The following CDK12 variants were observed in gnomAD, a reference collection of about 807,000 sequenced individuals.
CDK12 encodes the protein cyclin-dependent kinase 12.
A neutral mutation model predicts 133.8 loss-of-function variants in CDK12; 17 were observed. That is an observed-to-expected ratio of 0.13 (90% CI 0.09 to 0.19). The LOEUF (loss-of-function observed/expected upper bound fraction) is 0.19. CDK12 is among the 10% of genes least tolerant of loss of function. The pLI is 1.00. For synonymous variants in CDK12, 694 were observed against 683.6 expected (o/e 1.02, Z -0.24); for missense variants, 1,508 against 1,818.7 (o/e 0.83, Z 3.11).
At chr17:39,519,902 TTTGAGAACTGTAGGGTCA>T (rs2146571349) in intron 10 of CDK12, 36 bp from the exon 11 acceptor site, 1 of 1,605,452 alleles carries the variant, frequency 6.2e-7, no homozygotes, top group South Asian at 1.1e-5. Flanking sequence ...AAATTACAAA[TTTGAGAACTGTAGGGTCA>T]TTGTGAACTT....
At chr17:39,511,826 C>CT (rs968676195) in intron 8 of CDK12, among the ~76,000 whole-genome samples, 196 bp downstream of exon 8, 7 of 150,980 alleles carry the variant, frequency 4.6e-5, no homozygotes, top group East Asian at 1.9e-4. Context: ...CAGATTTCTT[C>CT]TTTTTTTTTG....
chr17:39,490,271 G>A (rs1164225758), intron 2 of CDK12, among the ~76,000 whole-genome samples: 1 of 151,774 alleles, frequency 6.6e-6, no homozygotes, highest in Non-Finnish European at 1.5e-5. Flanking sequence ...GGAAGCTGAG[G>A]TAGGAGAATC....
intron 2 of CDK12, among the ~76,000 whole-genome samples, chr17:39,487,086 G>T (rs1171289175): frequency 6.6e-6 from 1 of 152,166 alleles, no homozygotes; most frequent in Non-Finnish European, 1.5e-5. Flanking sequence ...GGAAAAATCT[G>T]AGTGCAGATT....
intron 6 of CDK12, among the ~76,000 whole-genome samples, chr17:39,505,467 G>A (rs1163174162): frequency 6.9e-6 from 1 of 145,570 alleles, no homozygotes; most frequent in Non-Finnish European, 1.5e-5. Flanking sequence ...GGAGGTTGCA[G>A]TGAGCTGAGA....
In CDK12 at chr17:39,530,963, A is replaced by G; in HGVS notation, c.4120A>G (p.Arg1374Gly). The G allele has an allele frequency of 6.2e-7, 1 of 1,614,232 alleles. No individual in the cohort carries two copies. Among genetic ancestry groups the G allele is most frequent in the Non-Finnish European group, 8.5e-7 (1 of 1,180,028 alleles). Residue 1374 changes from arginine (R) to glycine (G), a missense_variant, in exon 14 of 14, where the codon AGG becomes GGG. Arg to Gly is a moderately radical substitution (Grantham distance 125). Around this residue, in one of 9 missense-constraint regions of CDK12, gnomAD observed 399 missense variants for 469.6 expected, o/e 0.85. Transcript: ENST00000447079. Reference sequence around the variant, plus strand: ...CTTGGTCCAGACCCTGGTGAAGAACAGGACCTTCTCAGGCTCTCTGAGCCA... The same window carrying G: ...CTTGGTCCAGACCCTGGTGAAGAACGGGACCTTCTCAGGCTCTCTGAGCCA... ...ESLVQTLVKN[R>G]TFSGSLSHLG...
chr17:39,558,324 G>T (rs569495521), intron 3 of CDK12, among the ~76,000 whole-genome samples: 89 of 152,278 alleles, frequency 5.8e-4, no homozygotes, highest in Admixed American at 1.4e-3. Flanking sequence ...CAGGATGGAG[G>T]GGGGAGAGAT....
chr17:39,482,841 A>G (rs759792394), intron 2 of CDK12, among the ~76,000 whole-genome samples: 7 of 151,298 alleles, frequency 4.6e-5, no homozygotes, highest in Non-Finnish European at 8.8e-5. Flanking sequence ...GCCTCAAACA[A>G]TCCACCTGCC....
At chr17:39,511,413 T>G in intron 7 of CDK12, 116 bp from the exon 8 acceptor site, 1 of 632,614 alleles carries the variant, frequency 1.6e-6, no homozygotes, top group Non-Finnish European at 2.8e-6. Flanking sequence ...TTGCTCTGGA[T>G]TTGTTTTTCA....
intron 3 of CDK12, among the ~76,000 whole-genome samples, chr17:39,559,374 C>T (rs1482790058): frequency 3.3e-5 from 5 of 152,138 alleles, no homozygotes; most frequent in African/African-American, 9.7e-5. Flanking sequence ...AAGTACTATA[C>T]AATTTTATTA....
chr17:39,471,474 A>G lies in CDK12; in HGVS notation c.1642A>G (p.Thr548Ala), dbSNP rs1246929007. The G allele has an allele frequency of 3.1e-6, 5 of 1,610,466 alleles. No individual in the cohort carries two copies. Among genetic ancestry groups the G allele is most frequent in the Non-Finnish European group, 4.2e-6 (5 of 1,179,220 alleles). ...ACCAACTACTACCCCTCCACCTCAGACACCCCCTTTGCCACCTTTGCCTCC... is the reference window on the plus strand; with the variant it reads ...ACCAACTACTACCCCTCCACCTCAGGCACCCCCTTTGCCACCTTTGCCTCC... ...PLPTTTPPPQ[T>A]PPLPPLPPIP... Residue 548 changes from threonine (T) to alanine (A), a missense_variant, in exon 2 of 14, where the codon ACA (threonine) becomes GCA (alanine). By Grantham distance (58) the Thr-to-Ala change is moderately conservative (BLOSUM62 0). This residue lies in a region of CDK12 where 347 missense variants were observed against 330.8 expected (regional missense o/e 1.05). Transcript: ENST00000447079.
intron 2 of CDK12, among the ~76,000 whole-genome samples, chr17:39,481,807 G>A (rs79682424): frequency 6.7e-6 from 1 of 149,222 alleles, no homozygotes; most frequent in African/African-American, 2.5e-5. Flanking sequence ...TGCAACCTCC[G>A]CCTCCCGGGT....
At chr17:39,541,934 C>T (rs549166316) in intron 1 of CDK12, among the ~76,000 whole-genome samples, 35 of 152,286 alleles carry the variant, frequency 2.3e-4, no homozygotes, top group Admixed American at 5.9e-4. Flanking sequence ...GCCTTGCCCA[C>T]GCAGTCGCAC....
intron 2 of CDK12, among the ~76,000 whole-genome samples, chr17:39,488,420 A>G (rs901360613): frequency 1.3e-5 from 2 of 152,042 alleles, no homozygotes; most frequent in African/African-American, 2.4e-5. Context: ...ATGATTGTCT[A>G]TTTTGGCTGG....
chr17:39,535,441 CATCTT>C (rs371191606), downstream of CDK12, among the ~76,000 whole-genome samples: 480 of 152,274 alleles, frequency 3.2e-3, 2 homozygotes, highest in Middle Eastern at 0.061. Flanking sequence ...GGCTAAGTCA[CATCTT>C]ATAAGGAGAA....
At chr17:39,537,729 A>AT (rs2055205086), downstream of CDK12, among the ~76,000 whole-genome samples, 3 of 151,520 alleles carry the variant, frequency 2.0e-5, no homozygotes, top group South Asian at 4.2e-4. Context: ...TGCCCAGCTA[A>AT]TTTTTTGTAT....
intron 2 of CDK12, among the ~76,000 whole-genome samples, chr17:39,474,095 A>G (rs1429863981): frequency 6.6e-6 from 1 of 152,112 alleles, no homozygotes. Context: ...TCTTGACAGG[A>G]CTAACTAGGC....
intron 3 of CDK12, among the ~76,000 whole-genome samples, chr17:39,563,802 G>A (rs535736082): frequency 1.3e-5 from 2 of 149,700 alleles, no homozygotes. Context: ...GAAGGGGGGA[G>A]AGAAGGGGGA....
At chr17:39,485,403 C>T (rs899399061) in intron 2 of CDK12, among the ~76,000 whole-genome samples, 1 of 134,114 alleles carries the variant, frequency 7.5e-6, no homozygotes, top group Non-Finnish European at 1.5e-5. Context: ...TTAGGCATCC[C>T]CCCCCTTTTT....
At chr17:39,521,145 A>AT (rs1334245879) in intron 11 of CDK12, among the ~76,000 whole-genome samples, 3 of 150,142 alleles carry the variant, frequency 2.0e-5, no homozygotes, top group African/African-American at 4.9e-5. Flanking sequence ...GTGCCTGGCC[A>AT]TTTTTTTGTA....
Sources: gnomAD v4.1 joint callset for allele counts (sites outside exome capture counted in the v4.1 genomes callset) on GRCh38, gnomAD v4.1.1 for gene constraint, gnomAD v4.1.1 regional missense constraint, MANE v1.5 for transcripts, NCBI Gene and HGNC (gene_info 2026-07-23, HGNC 2026-07-21) for gene names.